The following MAST2 variants were observed in gnomAD, a reference collection of about 807,000 sequenced individuals.
MAST2 encodes microtubule associated serine/threonine kinase 2.
In MAST2, 70 loss-of-function variants were observed where a neutral mutation model predicts 147.4. That is an observed-to-expected ratio of 0.47 (90% CI 0.39 to 0.58). MAST2 has a LOEUF of 0.58. Ranked by LOEUF, MAST2 falls within the 20% of genes least tolerant of loss-of-function variation. MAST2 has a pLI of 0.00. For synonymous variants in MAST2, 869 were observed against 896.8 expected (o/e 0.97, Z 0.55); for missense variants, 2,080 against 2,302.3 (o/e 0.90, Z 1.98).
chr1:45,919,521 A>G (rs1333048287), intron 4 of MAST2, among the ~76,000 whole-genome samples: 2 of 152,232 alleles, frequency 1.3e-5, no homozygotes, highest in East Asian at 3.8e-4. Flanking sequence ...TTTAAGTGAC[A>G]TTATTTGATA....
chr1:45,981,379 G>T (rs1343849045), intron 5 of MAST2, among the ~76,000 whole-genome samples: 1 of 149,132 alleles, frequency 6.7e-6, no homozygotes, highest in Non-Finnish European at 1.5e-5. Flanking sequence ...GCTGAGGCTA[G>T]GGTTTTTTAA....
intron 1 of MAST2, among the ~76,000 whole-genome samples, chr1:45,809,372 G>T (rs1005770139): frequency 1.3e-5 from 2 of 152,202 alleles, no homozygotes; most frequent in Non-Finnish European, 2.9e-5. Flanking sequence ...GGCCAGGTGT[G>T]GTGGCTCATA....
intron 4 of MAST2, among the ~76,000 whole-genome samples, chr1:45,957,889 T>G (rs1659866590): frequency 6.6e-6 from 1 of 152,182 alleles, no homozygotes; most frequent in Non-Finnish European, 1.5e-5. Flanking sequence ...ATGGGAAGCT[T>G]GGTTGTAAAG....
At chr1:45,944,148 A>G (rs937554079) in intron 4 of MAST2, among the ~76,000 whole-genome samples, 2 of 152,218 alleles carry the variant, frequency 1.3e-5, no homozygotes, top group African/African-American at 2.4e-5. Context: ...TGATTGTACC[A>G]ACTAAAATGC....
chr1:45,904,790 GT>G (rs1217453276), intron 4 of MAST2, among the ~76,000 whole-genome samples: 3 of 151,840 alleles, frequency 2.0e-5, no homozygotes, highest in Non-Finnish European at 4.4e-5. Context: ...CTTGCTTTTA[GT>G]TTTTGTGTAT....
chr1:46,006,018 C>A (rs774191658), intron 7 of MAST2, among the ~76,000 whole-genome samples: 1 of 152,170 alleles, frequency 6.6e-6, no homozygotes, highest in Non-Finnish European at 1.5e-5. Flanking sequence ...CCCTGCACAA[C>A]CCTTGAAGGA....
At chr1:45,837,620 T>C (rs1645141814) in intron 3 of MAST2, among the ~76,000 whole-genome samples, 1 of 152,192 alleles carries the variant, frequency 6.6e-6, no homozygotes, top group Non-Finnish European at 1.5e-5. Flanking sequence ...ATATGCTTTA[T>C]TTCTCTCGGG....
chr1:45,985,675 G>A (rs1390543634), intron 5 of MAST2, among the ~76,000 whole-genome samples: 2 of 152,154 alleles, frequency 1.3e-5, no homozygotes, highest in African/African-American at 2.4e-5. Context: ...TTTTTATTGG[G>A]ATTGTGCTGA....
intron 6 of MAST2, among the ~76,000 whole-genome samples, chr1:46,002,306 C>G (rs1301672597): frequency 6.6e-6 from 1 of 152,156 alleles, no homozygotes; most frequent in African/African-American, 2.4e-5. Context: ...TCCTAGGCAG[C>G]CTATAACTGT....
At chr1:45,939,668 G>A (rs945751058) in intron 4 of MAST2, among the ~76,000 whole-genome samples, 1 of 152,002 alleles carries the variant, frequency 6.6e-6, no homozygotes, top group Non-Finnish European at 1.5e-5. Context: ...AGCCTCCCAA[G>A]CAGTGGGACT....
At position 46,035,504 on chromosome 1, in the gene MAST2, C is replaced by G. The variant is rs907996106; in HGVS notation, c.4835C>G (p.Pro1612Arg). ...LGQSGATDPI[P>R]PEGCWKAQHL... ...CAGTCTGGAGCCACAGACCCCATCCCTCCTGAAGGTTGCTGGAAGGCCCAG... is the reference window on the plus strand; with the variant it reads ...CAGTCTGGAGCCACAGACCCCATCCGTCCTGAAGGTTGCTGGAAGGCCCAG... The change falls in exon 29 of 29, where the codon CCT becomes CGT. Residue 1612 changes from proline (P) to arginine (R), a missense_variant. Pro to Arg is a moderately radical substitution (Grantham distance 103). Around this residue, in one of 4 missense-constraint regions of MAST2, gnomAD observed 1,278 missense variants for 1,304.2 expected, o/e 0.98. Coordinates refer to ENST00000361297, the MANE Select transcript of MAST2 (RefSeq NM_015112.3). This position sits in a 1 kb window ranked among gnomAD's most constrained non-coding sequence, Gnocchi z 5.5. The G allele has an allele frequency of 6.2e-7, 1 of 1,613,354 alleles. No individual in the cohort carries two copies. Among genetic ancestry groups the G allele is most frequent in the African/African-American group, 1.3e-5 (1 of 75,012 alleles).
intron 4 of MAST2, among the ~76,000 whole-genome samples, chr1:45,902,380 T>C (rs1377875858): frequency 6.6e-6 from 1 of 152,164 alleles, no homozygotes; most frequent in Non-Finnish European, 1.5e-5. Flanking sequence ...CTGGATTCAG[T>C]TTACTAGTAT....
At chr1:45,895,057 C>T (rs1349095334) in intron 4 of MAST2, among the ~76,000 whole-genome samples, 1 of 152,186 alleles carries the variant, frequency 6.6e-6, no homozygotes, top group Non-Finnish European at 1.5e-5. Flanking sequence ...TGTAGTTTTG[C>T]AGTCAATCCC....
chr1:45,839,668 A>G (rs1645214251), intron 3 of MAST2, among the ~76,000 whole-genome samples: 1 of 152,244 alleles, frequency 6.6e-6, no homozygotes, highest in Non-Finnish European at 1.5e-5. Context: ...TTTTCAGAAA[A>G]TATCAAGCTG....
rs578013132 is a variant in MAST2, at chr1:45,911,338, T to C, written c.500+28943T>C. ...AAAGGATGTAAAATATGGCTTTCAT[T>C]CTCTAAAAATCAAACAAATATTTTC... On this transcript the variant is annotated intron_variant, in intron 4 of 28. Coordinates refer to ENST00000361297, the MANE Select transcript of MAST2 (RefSeq NM_015112.3). Among the ~76,000 whole-genome samples, 3 of 152,340 alleles carry C rather than the reference T, an allele frequency of 2.0e-5. No individual in the cohort carries two copies. The East Asian group carries it at 5.8e-4, about 29-fold the overall frequency.
intron 3 of MAST2, among the ~76,000 whole-genome samples, chr1:45,831,783 T>G (rs1343444791): frequency 6.7e-6 from 1 of 149,402 alleles, no homozygotes; most frequent in Non-Finnish European, 1.5e-5. Context: ...TTTAATAGTT[T>G]TTTTTTTTTT....
chr1:45,975,718 G>A (rs900572008), intron 5 of MAST2, among the ~76,000 whole-genome samples: 6 of 150,784 alleles, frequency 4.0e-5, no homozygotes, highest in Non-Finnish European at 7.4e-5. Context: ...AGTACAGATC[G>A]TTTGTTACTA....
At chr1:46,025,969 G>A (rs931269861) in intron 16 of MAST2, among the ~76,000 whole-genome samples, 154 bp downstream of exon 16, 2 of 152,104 alleles carry the variant, frequency 1.3e-5, no homozygotes, top group East Asian at 1.9e-4. Flanking sequence ...CTAGCCCCCC[G>A]ACCACCCCAG....
At chr1:45,880,740 G>C (rs1290553227) in intron 3 of MAST2, among the ~76,000 whole-genome samples, 1 of 151,994 alleles carries the variant, frequency 6.6e-6, no homozygotes, top group Non-Finnish European at 1.5e-5. Flanking sequence ...CAGCACTGTG[G>C]GAGACCAAGG....
Sources: gnomAD v4.1 joint callset for allele counts (sites outside exome capture counted in the v4.1 genomes callset) on GRCh38, gnomAD v4.1.1 for gene constraint, gnomAD v4.1.1 regional missense constraint, Gnocchi (gnomAD v3.1) non-coding constraint, MANE v1.5 for transcripts, NCBI Gene and HGNC (gene_info 2026-07-23, HGNC 2026-07-21) for gene names.